AGPAT5: variants seen among roughly 807,000 people sequenced by gnomAD.
AGPAT5 encodes the protein 1-acyl-sn-glycerol-3-phosphate acyltransferase epsilon.
A neutral mutation model predicts 45.6 loss-of-function variants in AGPAT5; 46 were observed. The observed-to-expected ratio is 1.01, with a 90% CI of 0.80 to 1.29. The LOEUF is 1.29. AGPAT5 is among the 50% of genes most tolerant of loss of function. AGPAT5 has a pLI of 0.00. For missense variants in AGPAT5, 673 were observed against 450.7 expected, an observed-to-expected ratio of 1.49 and a Z score of -4.47; for synonymous variants, 272 against 167.0, an observed-to-expected ratio of 1.63 and a Z score of -4.85.
rs1006780029 is a variant in AGPAT5, at chr8:6,757,658, A to G, written c.*270A>G. The G allele has an allele frequency of 5.7e-5, 18 of 313,736 alleles. No homozygotes were observed. The highest frequency in any genetic ancestry group is 9.4e-5 in the Non-Finnish European group (16 of 170,656). The allele number at this position is 313,736 out of a possible 1,614,324, so 19.4% of individuals were successfully genotyped here. ...GTCCATTTCCTATGAACTAATGACAACTTGAGAAGGCTGGGAGGATTGTGT... is the reference window on the plus strand; with the variant it reads ...GTCCATTTCCTATGAACTAATGACAGCTTGAGAAGGCTGGGAGGATTGTGT... On this transcript the variant is annotated 3_prime_UTR_variant, in exon 8 of 8. Transcript: ENST00000285518.
rs147397481 is a variant in AGPAT5 at position 6,757,386 on chromosome 8, T to C, written c.1093T>C (p.Ter365GlnextTer21). 8 of 1,613,278 alleles carry C rather than the reference T, an allele frequency of 5.0e-6. No homozygotes were observed. The highest frequency in any genetic ancestry group is 2.7e-5 in the African/African-American group (2 of 74,932). ...CTGCCTGTGGGTTACTATTAAAGCA[T>C]AGACAAGTAGCTGTCTCCAGACAGT... ...LGCLWVTIKA[*>Q] The change falls in exon 8 of 8, where the codon TAG becomes CAG. Residue 365 changes from the stop codon to glutamine (Q), a stop_lost. Transcript: ENST00000285518.
chr8:6,712,280 C>T (rs973293661), intron 1 of AGPAT5, among the ~76,000 whole-genome samples: 6 of 152,154 alleles, frequency 3.9e-5, no homozygotes, highest in Admixed American at 2.6e-4. Flanking sequence ...GTTTTATTTT[C>T]GGAACAAATC....
chr8:6,717,059 C>T (rs1800357072), intron 1 of AGPAT5, among the ~76,000 whole-genome samples: 1 of 152,052 alleles, frequency 6.6e-6, no homozygotes, highest in Non-Finnish European at 1.5e-5. Flanking sequence ...ATGACTCCAC[C>T]CTCAAGAGTA....
At chr8:6,732,520 T>C in intron 3 of AGPAT5, 41 bp from the exon 4 acceptor site, 1 of 1,538,872 alleles carries the variant, frequency 6.5e-7, no homozygotes, top group Non-Finnish European at 8.8e-7. Flanking sequence ...CAATTGTTAT[T>C]TTAAAAGTAA....
intron 1 of AGPAT5, among the ~76,000 whole-genome samples, chr8:6,711,365 T>C (rs2116843495): frequency 6.6e-6 from 1 of 152,322 alleles, no homozygotes; most frequent in Admixed American, 6.5e-5. Context: ...AGAGAAATAT[T>C]TCAGTCAGTG....
chr8:6,758,996 A>G lies in AGPAT5; in HGVS notation c.*1608A>G, dbSNP rs555590568. ...CCCATGCCAGAGAATAAACTCTTTCAAGCATCATCTTTGAAGAGTCGTGTG... is the reference window on the plus strand; with the variant it reads ...CCCATGCCAGAGAATAAACTCTTTCGAGCATCATCTTTGAAGAGTCGTGTG... On this transcript the variant is annotated 3_prime_UTR_variant, in exon 8 of 8. Transcript: ENST00000285518. 3 of 152,516 alleles carry G rather than the reference A, an allele frequency of 2.0e-5. No homozygotes were observed. The highest frequency in any genetic ancestry group is 7.2e-5 in the African/African-American group (3 of 41,582). The allele number at this position is 152,516 out of a possible 1,614,324, so 9.4% of individuals were successfully genotyped here.
intron 1 of AGPAT5, among the ~76,000 whole-genome samples, chr8:6,711,808 C>G (rs886438922): frequency 4.6e-5 from 7 of 152,230 alleles, no homozygotes; most frequent in Non-Finnish European, 1.0e-4. Flanking sequence ...TCACTTTAAC[C>G]TCTGCCTTAC....
At chr8:6,734,611 G>T (rs897161197) in intron 4 of AGPAT5, among the ~76,000 whole-genome samples, 1 of 152,076 alleles carries the variant, frequency 6.6e-6, no homozygotes, top group African/African-American at 2.4e-5. Context: ...TGCAAATTTT[G>T]ATTACTTTAT....
chr8:6,735,849 C>CTT (rs1206610212), intron 4 of AGPAT5, among the ~76,000 whole-genome samples: 3 of 84,220 alleles, frequency 3.6e-5, no homozygotes, highest in African/African-American at 4.6e-5. Flanking sequence ...TTTATATAGC[C>CTT]TTTTTTTTTT....
chr8:6,724,892 C>CA lies in AGPAT5; in HGVS notation c.248dup (p.Asn83LysfsTer2), dbSNP rs1277762849. ...TAGATATTGCTATATGGAGATTTGC[C>CA]AAAAAATAAAGAAAATATAATATAT... On this transcript the variant is annotated frameshift_variant, in exon 2 of 8. Coordinates refer to ENST00000285518, the MANE Select transcript of AGPAT5 (RefSeq NM_018361.5). LOFTEE classifies it high-confidence loss of function. 2.6e-6 allele frequency: 3 copies of CA among 1,139,942 alleles called. No individual in the cohort carries two copies. The highest frequency in any genetic ancestry group is 1.6e-5 in the African/African-American group (1 of 61,800). 70.6% of individuals were successfully genotyped at this position (1,139,942 alleles called of 1,614,324 possible).
At chr8:6,721,388 C>A (rs559900478) in intron 1 of AGPAT5, among the ~76,000 whole-genome samples, 1 of 152,256 alleles carries the variant, frequency 6.6e-6, no homozygotes, top group South Asian at 2.1e-4. Context: ...TTTCTCTTAT[C>A]CATTAATCAC....
chr8:6,725,056 G>C (rs180828506), intron 2 of AGPAT5, 117 bp downstream of exon 2: 1 of 338,704 alleles, frequency 3.0e-6, no homozygotes, highest in East Asian at 4.6e-5. Context: ...TTTCTGTGCA[G>C]ATATTACACC....
At chr8:6,727,899 A>G (rs750144817) in intron 2 of AGPAT5, among the ~76,000 whole-genome samples, 2 of 152,170 alleles carry the variant, frequency 1.3e-5, no homozygotes, top group Non-Finnish European at 2.9e-5. Flanking sequence ...CTTATTGGTA[A>G]GGTGTGAGTG....
At chr8:6,718,230 T>A (rs554580826) in intron 1 of AGPAT5, among the ~76,000 whole-genome samples, 1 of 152,200 alleles carries the variant, frequency 6.6e-6, no homozygotes. Flanking sequence ...AGAAAGAACT[T>A]TGTGGCCTTC....
chr8:6,741,424 T>C (rs936304863), intron 4 of AGPAT5, among the ~76,000 whole-genome samples: 3 of 152,176 alleles, frequency 2.0e-5, no homozygotes, highest in African/African-American at 7.2e-5. Flanking sequence ...AGATTCTTCA[T>C]GGCTGACCTA....
chr8:6,747,942 T>A, intron 6 of AGPAT5, 114 bp downstream of exon 6: 1 of 1,045,484 alleles, frequency 9.6e-7, no homozygotes, highest in Non-Finnish European at 1.3e-6. Flanking sequence ...TCATTACATT[T>A]ACCCGGTATA....
intron 1 of AGPAT5, among the ~76,000 whole-genome samples, chr8:6,717,864 T>G (rs969567212): frequency 6.6e-6 from 1 of 152,246 alleles, no homozygotes; most frequent in Non-Finnish European, 1.5e-5. Flanking sequence ...ATATGAGAAG[T>G]CTTCTCACTT....
At chr8:6,731,015 CCCA>C (rs1307916801) in intron 3 of AGPAT5, among the ~76,000 whole-genome samples, 189 bp downstream of exon 3, 1 of 151,612 alleles carries the variant, frequency 6.6e-6, no homozygotes, top group African/African-American at 2.4e-5. Context: ...ACCGTAGGTG[CCCA>C]CCATCATGCC....
chr8:6,722,646 A>T (rs1038496223), intron 1 of AGPAT5, among the ~76,000 whole-genome samples: 16 of 152,182 alleles, frequency 1.1e-4, no homozygotes, highest in Non-Finnish European at 1.9e-4. Flanking sequence ...AACAACACAG[A>T]TGTGATGAAG....
Sources: gnomAD v4.1 joint callset for allele counts (sites outside exome capture counted in the v4.1 genomes callset) on GRCh38, gnomAD v4.1.1 for gene constraint, MANE v1.5 for transcripts, NCBI Gene and HGNC (gene_info 2026-07-23, HGNC 2026-07-21) for gene names.